KSR2: variants seen among roughly 807,000 people sequenced by gnomAD.
KSR2 encodes the protein kinase suppressor of ras 2.
A neutral mutation model predicts 107.8 loss-of-function variants in KSR2; 25 were observed. The ratio of observed to expected loss-of-function variants is 0.23; its 90% CI spans 0.17 to 0.32. The LOEUF (loss-of-function observed/expected upper bound fraction) is 0.32, where lower values mean the gene tolerates loss of function less well. Ranked by LOEUF, KSR2 falls within the 10% of genes least tolerant of loss-of-function variation. KSR2 has a pLI of 1.00. For synonymous variants in KSR2, 480 were observed against 507.0 expected, an observed-to-expected ratio of 0.95 and a Z score of 0.71; for missense variants, 887 against 1,268.9, an observed-to-expected ratio of 0.70 and a Z score of 4.57.
At chr12:117,843,320 G>A (rs1440424295) in intron 3 of KSR2, among the ~76,000 whole-genome samples, 1 of 152,196 alleles carries the variant, frequency 6.6e-6, no homozygotes, top group Non-Finnish European at 1.5e-5. Flanking sequence ...ATCCCCTCCA[G>A]TGGTTTCCCA....
At chr12:117,930,433 A>G (rs75734389) in intron 1 of KSR2, among the ~76,000 whole-genome samples, 1 of 152,104 alleles carries the variant, frequency 6.6e-6, no homozygotes, top group Non-Finnish European at 1.5e-5. Context: ...AAATCACCCA[A>G]TTTTATTAAA....
chr12:117,684,449 C>T (rs917341363), intron 4 of KSR2, among the ~76,000 whole-genome samples: 1 of 152,158 alleles, frequency 6.6e-6, no homozygotes, highest in Non-Finnish European at 1.5e-5. Context: ...TGAATGCTCA[C>T]GGGCTTTCCA....
intron 5 of KSR2, among the ~76,000 whole-genome samples, chr12:117,661,604 G>A (rs760364912): frequency 1.3e-5 from 2 of 152,142 alleles, no homozygotes; most frequent in Non-Finnish European, 2.9e-5. Flanking sequence ...CATATAACCC[G>A]GGGATTCTGA....
intron 1 of KSR2, among the ~76,000 whole-genome samples, chr12:117,918,497 A>C (rs1895247840): frequency 6.6e-6 from 1 of 152,054 alleles, no homozygotes; most frequent in African/African-American, 2.4e-5. Flanking sequence ...TATTTCAAAT[A>C]TTGTCTCTTG....
intron 18 of KSR2, 63 bp from the exon 19 acceptor site, chr12:117,469,858 T>A (rs1206694580): frequency 6.4e-7 from 1 of 1,555,600 alleles, no homozygotes; most frequent in Non-Finnish European, 8.8e-7. Flanking sequence ...CTCTTTGGCA[T>A]CACATTTGGT....
At position 117,842,025 on chromosome 12, in the gene KSR2, A is replaced by ATG. The variant is rs749996643; in HGVS notation, c.472+13402_472+13403insCA. On this transcript the variant is annotated intron_variant, in intron 3 of 19. Coordinates refer to ENST00000339824, the MANE Select transcript of KSR2 (RefSeq NM_173598.6). This position sits in a 1 kb window ranked among gnomAD's most constrained non-coding sequence, Gnocchi z 4.2. Reference sequence around the variant, plus strand: ...TGAGCCAGATGCAGGGAGAATTCCAACACAGGGGTTCTCAAAGCGTGTTCC... The same window carrying ATG: ...TGAGCCAGATGCAGGGAGAATTCCAATGCACAGGGGTTCTCAAAGCGTGTTCC... Among the ~76,000 whole-genome samples, 2,554 of 152,330 alleles carry ATG rather than the reference A, an allele frequency of 0.017. 39 individuals carry two copies. Among genetic ancestry groups the ATG allele is most frequent in the Non-Finnish European group, 0.024 (1,666 of 68,036 alleles).
At chr12:117,880,950 G>A (rs1158080609) in intron 1 of KSR2, among the ~76,000 whole-genome samples, 2 of 149,496 alleles carry the variant, frequency 1.3e-5, no homozygotes, top group East Asian at 2.0e-4. Context: ...GATTACAGGC[G>A]TGAGCCACCA....
At chr12:117,659,201 G>T (rs1364578339) in intron 5 of KSR2, among the ~76,000 whole-genome samples, 1 of 152,048 alleles carries the variant, frequency 6.6e-6, no homozygotes, top group Non-Finnish European at 1.5e-5. Context: ...GACACAAATG[G>T]CCCCCTTGCT....
chr12:117,580,263 T>TA (rs1483732290), intron 6 of KSR2, among the ~76,000 whole-genome samples: 1 of 152,184 alleles, frequency 6.6e-6, no homozygotes, highest in Non-Finnish European at 1.5e-5. Context: ...CAAAGACACT[T>TA]ACTGCCAAGA....
rs144109549 is a variant in KSR2, at chr12:117,540,293, T to C, written c.1519-406A>G. On this transcript the variant is annotated intron_variant, in intron 9 of 19. Coordinates refer to ENST00000339824, the MANE Select transcript of KSR2 (RefSeq NM_173598.6). ...AACAGTCTGACAGCTCCAGAGAGAA[T>C]GTGAGAGTGAGCCTTCAGCATCTTA... Among the ~76,000 whole-genome samples the C allele has an allele frequency of 6.7e-3, 1,026 of 152,176 alleles. 13 individuals are homozygous for C. Among genetic ancestry groups the C allele is most frequent in the African/African-American group, 0.023 (975 of 41,516 alleles).
rs566841738 is a variant in KSR2, at chr12:117,655,326, T to C, written c.1171+12148A>G. On this transcript the variant is annotated intron_variant, in intron 5 of 19. Coordinates refer to ENST00000339824, the MANE Select transcript of KSR2 (RefSeq NM_173598.6). Reference sequence around the variant, plus strand: ...GTGGCATGGGCTCATGCTCATGGAATTCACTGGTCTTACCATGTTCCCCAT... The same window carrying C: ...GTGGCATGGGCTCATGCTCATGGAACTCACTGGTCTTACCATGTTCCCCAT... 2.6e-5 allele frequency among the ~76,000 whole-genome samples: 4 copies of C among 152,320 alleles called. No homozygotes were observed. The East Asian group carries it at 5.8e-4, about 22-fold the overall frequency.
At position 117,807,694 on chromosome 12, in the gene KSR2, A is replaced by G. The variant is rs141148906; in HGVS notation, c.473-46170T>C. ...TGAATTCTTTGTTCAACAAATATCT[A>G]TTGAGAACCTACTATGTGCCAGGCA... On this transcript the variant is annotated intron_variant, in intron 3 of 19. Transcript: ENST00000339824. Among the ~76,000 whole-genome samples the G allele has an allele frequency of 5.4e-3, 816 of 152,374 alleles. 8 individuals are homozygous for G. The highest frequency in any genetic ancestry group is 0.018 in the African/African-American group (756 of 41,582).
chr12:117,830,066 G>A (rs1319436628), intron 3 of KSR2, among the ~76,000 whole-genome samples: 1 of 152,074 alleles, frequency 6.6e-6, no homozygotes, highest in African/African-American at 2.4e-5. Flanking sequence ...TCAGGAGTTC[G>A]AGACCAGCTT....
chr12:117,920,551 A>G, intron 1 of KSR2, among the ~76,000 whole-genome samples: 1 of 152,188 alleles, frequency 6.6e-6, no homozygotes, highest in East Asian at 1.9e-4. Context: ...CATTTACTAT[A>G]TGTCAGGCAT....
At chr12:117,580,788 G>A (rs529812736) in intron 6 of KSR2, among the ~76,000 whole-genome samples, 2 of 152,228 alleles carry the variant, frequency 1.3e-5, no homozygotes, top group South Asian at 4.1e-4. Context: ...GACGATCTAG[G>A]GGGTGGGGCT....
At chr12:117,525,923 G>C (rs1190784991) in intron 13 of KSR2, among the ~76,000 whole-genome samples, 1 of 152,196 alleles carries the variant, frequency 6.6e-6, no homozygotes, top group Non-Finnish European at 1.5e-5. Flanking sequence ...CAGACAAAGA[G>C]AGCTGAAATC....
chr12:117,707,293 C>T (rs958537513), intron 4 of KSR2, among the ~76,000 whole-genome samples: 7 of 151,862 alleles, frequency 4.6e-5, no homozygotes, highest in South Asian at 2.1e-4. Context: ...GGTTTCTTTT[C>T]GGGGTGATAA....
chr12:117,822,127 G>C (rs997468550), intron 3 of KSR2, among the ~76,000 whole-genome samples: 29 of 152,164 alleles, frequency 1.9e-4, no homozygotes, highest in African/African-American at 7.0e-4. Context: ...ACATCAGAAA[G>C]TTACCCTATA....
At chr12:117,539,224 C>T (rs2137281400) in intron 10 of KSR2, among the ~76,000 whole-genome samples, 1 of 152,318 alleles carries the variant, frequency 6.6e-6, no homozygotes, top group East Asian at 1.9e-4. Flanking sequence ...CCAGACTGCT[C>T]AGTGACAGCC....
Sources: gnomAD v4.1 joint callset for allele counts (sites outside exome capture counted in the v4.1 genomes callset) on GRCh38, gnomAD v4.1.1 for gene constraint, Gnocchi (gnomAD v3.1) non-coding constraint, MANE v1.5 for transcripts, NCBI Gene and HGNC (gene_info 2026-07-23, HGNC 2026-07-21) for gene names.